Variants in LRP2 observed in about 807,000 individuals in gnomAD.
LRP2 encodes low-density lipoprotein receptor-related protein 2.
In LRP2, 172 loss-of-function variants were observed where a neutral mutation model predicts 531.0. That is an observed-to-expected ratio of 0.32 (90% CI 0.29 to 0.37). The LOEUF (loss-of-function observed/expected upper bound fraction) is 0.37, where lower values mean the gene tolerates loss of function less well. LRP2 is among the 10% of genes least tolerant of loss of function. The probability of loss-of-function intolerance (pLI) is 1.00; values close to 1 mark genes in which losing one functional copy is unlikely to be tolerated. For synonymous variants in LRP2, 1,992 were observed against 2,027.6 expected (o/e 0.98, Z 0.47); for missense variants, 5,167 against 5,868.3 (o/e 0.88, Z 3.90).
intron 1 of LRP2, among the ~76,000 whole-genome samples, chr2:169,344,752 T>C (rs1202010213): frequency 1.3e-5 from 2 of 152,192 alleles, no homozygotes; most frequent in African/African-American, 4.8e-5. Context: ...TCAGGATTGC[T>C]TTCTACACCC....
In LRP2 at chr2:169,235,938, G is replaced by T. The variant is rs368820980; in HGVS notation, c.4822C>A (p.Pro1608Thr). The change falls in exon 29 of 79, where the codon CCC (proline) becomes ACC (threonine). Residue 1608 changes from proline to threonine, a missense_variant. Around this residue, in one of 6 missense-constraint regions of LRP2, gnomAD observed 2,811 missense variants for 3,058.0 expected, o/e 0.92. Transcript: ENST00000649046. ...TCCATGAAGTAGAGCAGTCTGTTGG[G>T]GTAGTCAATAGTTAAGCCGCAGGGC... The part of the protein sequence containing the change: ...FWPCGLTIDY[P>T]NRLLYFMDSY... The T allele has an allele frequency of 6.2e-7, 1 of 1,614,120 alleles. No homozygotes were observed. The highest frequency in any genetic ancestry group is 1.1e-5 in the South Asian group (1 of 91,076).
At chr2:169,176,194 G>C (rs1428146854) in intron 54 of LRP2, among the ~76,000 whole-genome samples, 1 of 152,196 alleles carries the variant, frequency 6.6e-6, no homozygotes, top group East Asian at 1.9e-4. Flanking sequence ...ATGAAAGTTT[G>C]CATATATAGG....
At chr2:169,271,579 A>AT (rs1683414787) in intron 15 of LRP2, 1 of 220,048 alleles carries the variant, frequency 4.5e-6, no homozygotes, top group South Asian at 1.6e-4. Context: ...TTATCAAGTT[A>AT]TAAGTATCAT....
At chr2:169,227,886 G>A (rs1689257714) in intron 31 of LRP2, among the ~76,000 whole-genome samples, 1 of 152,164 alleles carries the variant, frequency 6.6e-6, no homozygotes, top group African/African-American at 2.4e-5. Flanking sequence ...TTCAGCTGGA[G>A]CAAATGAGAT....
At chr2:169,342,488 A>G (rs1460554969) in intron 1 of LRP2, among the ~76,000 whole-genome samples, 1 of 152,184 alleles carries the variant, frequency 6.6e-6, no homozygotes, top group African/African-American at 2.4e-5. Flanking sequence ...TGCAGCAAGT[A>G]TTCTTTTTAC....
chr2:169,186,872 A>C (rs1687652334), intron 49 of LRP2, among the ~76,000 whole-genome samples: 1 of 152,226 alleles, frequency 6.6e-6, no homozygotes, highest in Non-Finnish European at 1.5e-5. Context: ...GTAAGGCAAA[A>C]TTAATTAAAA....
chr2:169,241,564 T>A (rs1689807486), intron 24 of LRP2, among the ~76,000 whole-genome samples, 199 bp from the exon 25 acceptor site: 1 of 152,216 alleles, frequency 6.6e-6, no homozygotes, highest in Non-Finnish European at 1.5e-5. Flanking sequence ...TGGCAGCTAG[T>A]GGCTCTGACA....
intron 34 of LRP2, among the ~76,000 whole-genome samples, chr2:169,219,774 A>C (rs1389218304): frequency 6.6e-6 from 1 of 152,072 alleles, no homozygotes; most frequent in Non-Finnish European, 1.5e-5. Flanking sequence ...CCCATGTAAC[A>C]AACCTGCACA....
intron 34 of LRP2, 24 bp downstream of exon 34, chr2:169,220,430 C>T: frequency 6.6e-7 from 1 of 1,520,606 alleles, no homozygotes; most frequent in Non-Finnish European, 9.1e-7. Context: ...GCATGGAAGA[C>T]ACGTGCCATT....
At chr2:169,165,358 T>A (rs1686745388) in intron 62 of LRP2, among the ~76,000 whole-genome samples, 1 of 152,232 alleles carries the variant, frequency 6.6e-6, no homozygotes. Context: ...AAAGTACAGC[T>A]ATTTCAATGC....
chr2:169,288,882 G>A, intron 9 of LRP2, 144 bp downstream of exon 9: 1 of 1,288,052 alleles, frequency 7.8e-7, no homozygotes, highest in East Asian at 2.4e-5. Flanking sequence ...CTATTTGCCA[G>A]GTTTTCTGTG....
At chr2:169,134,466 T>C (rs1685417907) in intron 76 of LRP2, among the ~76,000 whole-genome samples, 1 of 152,050 alleles carries the variant, frequency 6.6e-6, no homozygotes, top group African/African-American at 2.4e-5. Context: ...CCACCTGACA[T>C]TCACCCCATT....
At chr2:169,319,563 A>C (rs772507219) in intron 2 of LRP2, among the ~76,000 whole-genome samples, 3 of 152,200 alleles carry the variant, frequency 2.0e-5, no homozygotes, top group Non-Finnish European at 4.4e-5. Context: ...ATAGCTGTTC[A>C]CTTATTCCTT....
rs1375853082 is a variant in LRP2, at chr2:169,134,045, C to A, written c.13621-1364G>T. On this transcript the variant is annotated intron_variant, in intron 76 of 78. Coordinates refer to ENST00000649046, the MANE Select transcript of LRP2 (RefSeq NM_004525.3). The stretch of plus-strand genomic sequence containing the variant: ...TCTGACTAATCTCCCAAACCTCAAT[C>A]CCTTCTACAAAACAACAACTCCTTT... 2.0e-5 allele frequency among the ~76,000 whole-genome samples: 3 copies of A among 152,160 alleles called. No individual in the cohort carries two copies. The East Asian group carries it at 5.8e-4, about 29-fold the overall frequency.
intron 16 of LRP2, among the ~76,000 whole-genome samples, chr2:169,261,320 A>G (rs1292435107): frequency 6.6e-6 from 1 of 151,928 alleles, no homozygotes; most frequent in Non-Finnish European, 1.5e-5. Flanking sequence ...GCTAATCCTG[A>G]CTTTTAATAT....
chr2:169,323,493 G>C (rs1318188141), intron 1 of LRP2, among the ~76,000 whole-genome samples: 2 of 152,092 alleles, frequency 1.3e-5, no homozygotes. Flanking sequence ...AATAACAATT[G>C]CAGGTGCCCC....
intron 9 of LRP2, among the ~76,000 whole-genome samples, chr2:169,286,675 G>C (rs1683866465): frequency 6.6e-6 from 1 of 152,238 alleles, no homozygotes; most frequent in East Asian, 1.9e-4. Context: ...TGTTATCTGG[G>C]CTCTAGGGTG....
At chr2:169,269,361 A>T (rs1273876771) in intron 16 of LRP2, among the ~76,000 whole-genome samples, 1 of 152,230 alleles carries the variant, frequency 6.6e-6, no homozygotes, top group Non-Finnish European at 1.5e-5. Flanking sequence ...CTATACTACA[A>T]GGCTACAGTA....
chr2:169,324,268 C>G (rs959462105), intron 1 of LRP2, among the ~76,000 whole-genome samples: 1 of 152,118 alleles, frequency 6.6e-6, no homozygotes. Flanking sequence ...CTGATTCCAG[C>G]ATTCGTGCTA....
Sources: gnomAD v4.1 joint callset for allele counts (sites outside exome capture counted in the v4.1 genomes callset) on GRCh38, gnomAD v4.1.1 for gene constraint, gnomAD v4.1.1 regional missense constraint, MANE v1.5 for transcripts, NCBI Gene and HGNC (gene_info 2026-07-23, HGNC 2026-07-21) for gene names.